NCKAP5: variants seen among roughly 807,000 people sequenced by gnomAD.
The protein encoded by NCKAP5 is NCK associated protein 5, also known as nck-associated protein 5.
Under a neutral mutation model 167.0 loss-of-function variants are expected in NCKAP5, and 92 were observed. That is an observed-to-expected ratio of 0.55 (90% confidence interval 0.47 to 0.66). The LOEUF (loss-of-function observed/expected upper bound fraction) is 0.66. NCKAP5 is among the 30% of genes least tolerant of loss of function. The probability of loss-of-function intolerance (pLI) is 0.00; values close to 1 mark genes in which losing one functional copy is unlikely to be tolerated. For missense variants in NCKAP5, 2,378 were observed against 2,315.0 expected, an observed-to-expected ratio of 1.03 and a Z score of -0.56; for synonymous variants, 891 against 877.4, an observed-to-expected ratio of 1.02 and a Z score of -0.27.
intron 19 of NCKAP5, among the ~76,000 whole-genome samples, chr2:132,715,268 C>A (rs1205372907): frequency 6.6e-6 from 1 of 152,168 alleles, no homozygotes; most frequent in Admixed American, 6.5e-5. Context: ...TCCCCACCTA[C>A]CCCACTTCTT....
chr2:133,459,773 G>A (rs1185953380), intron 3 of NCKAP5, among the ~76,000 whole-genome samples: 1 of 152,110 alleles, frequency 6.6e-6, no homozygotes, highest in African/African-American at 2.4e-5. Flanking sequence ...CACAATGCAT[G>A]GGTAATTACA....
At chr2:133,043,690 C>T (rs984163803) in intron 6 of NCKAP5, among the ~76,000 whole-genome samples, 1 of 152,092 alleles carries the variant, frequency 6.6e-6, no homozygotes, top group African/African-American at 2.4e-5. Context: ...AAGATTAACT[C>T]CTTTAAGCTT....
chr2:132,924,801 A>AT (rs201398492), intron 8 of NCKAP5, among the ~76,000 whole-genome samples: 2,160 of 152,318 alleles, frequency 0.014, 37 homozygotes, highest in African/African-American at 0.049. Flanking sequence ...ACATTCAATA[A>AT]CATGAGACCT....
the NCKAP5 span, among the ~76,000 whole-genome samples, chr2:133,606,646 C>T: frequency 6.6e-6 from 1 of 151,752 alleles, no homozygotes; most frequent in Non-Finnish European, 1.5e-5. Context: ...GGGCCTACAC[C>T]TCCAAAATTT....
At chr2:132,951,034 T>A (rs542732124) in intron 8 of NCKAP5, among the ~76,000 whole-genome samples, 1 of 152,338 alleles carries the variant, frequency 6.6e-6, no homozygotes, top group East Asian at 1.9e-4. Context: ...GGAAAAATGA[T>A]GCAAAATTTC....
At position 132,711,867 on chromosome 2, in the gene NCKAP5, G is replaced by A. The variant is rs188505424; in HGVS notation, c.5713+13760C>T. Among the ~76,000 whole-genome samples the A allele has an allele frequency of 1.9e-3, 290 of 152,256 alleles. 1 individual carries two copies. The highest frequency in any genetic ancestry group is 6.7e-3 in the African/African-American group (277 of 41,544). On this transcript the variant is annotated intron_variant, in intron 19 of 19. Coordinates refer to ENST00000409261, the MANE Select transcript of NCKAP5 (RefSeq NM_207363.3). ...GAGCTTACATTCCACTAGGGGGATGGTAGACAGGATAAATTCTAAGCTCTT... is the reference window on the plus strand; with the variant it reads ...GAGCTTACATTCCACTAGGGGGATGATAGACAGGATAAATTCTAAGCTCTT...
At chr2:133,549,752 G>C (rs1687107722) in intron 2 of NCKAP5, among the ~76,000 whole-genome samples, 1 of 148,506 alleles carries the variant, frequency 6.7e-6, no homozygotes, top group Non-Finnish European at 1.5e-5. Flanking sequence ...AATCAGAGCA[G>C]AACTGAAGGA....
chr2:133,593,433 C>T, the NCKAP5 span, among the ~76,000 whole-genome samples: 2 of 151,026 alleles, frequency 1.3e-5, no homozygotes, highest in Non-Finnish European at 2.9e-5. Flanking sequence ...CATTACTGCA[C>T]ACACACACAA....
chr2:132,704,745 T>C (rs565304782), intron 19 of NCKAP5, among the ~76,000 whole-genome samples: 1 of 152,148 alleles, frequency 6.6e-6, no homozygotes, highest in Non-Finnish European at 1.5e-5. Flanking sequence ...CACCCTTAAC[T>C]CCACTGCCCC....
chr2:132,690,430 T>G (rs533936495), intron 19 of NCKAP5, among the ~76,000 whole-genome samples: 101 of 152,230 alleles, frequency 6.6e-4, no homozygotes, highest in Non-Finnish European at 1.2e-3. Flanking sequence ...CTTAAGTACG[T>G]GTACAGTTCA....
chr2:132,995,744 G>A (rs748564060), intron 6 of NCKAP5, among the ~76,000 whole-genome samples: 2 of 152,066 alleles, frequency 1.3e-5, no homozygotes, highest in Non-Finnish European at 2.9e-5. Flanking sequence ...GGAGGCTGAC[G>A]TGAGTGGATC....
chr2:133,402,198 G>A (rs990642471), intron 3 of NCKAP5, among the ~76,000 whole-genome samples: 3 of 152,134 alleles, frequency 2.0e-5, no homozygotes, highest in Non-Finnish European at 2.9e-5. Flanking sequence ...AGGACTCGGT[G>A]TATAGTTTTA....
At chr2:133,606,851 G>C in the NCKAP5 span, among the ~76,000 whole-genome samples, 2 of 152,168 alleles carry the variant, frequency 1.3e-5, no homozygotes, top group East Asian at 3.9e-4. Context: ...TACCTTGGGA[G>C]CTATACTGTT....
chr2:133,578,100 T>C, the NCKAP5 span, among the ~76,000 whole-genome samples: 1 of 152,222 alleles, frequency 6.6e-6, no homozygotes, highest in Non-Finnish European at 1.5e-5. Flanking sequence ...AACAATGTGC[T>C]CCTATACTAG....
At chr2:133,205,362 G>A (rs1318022281) in intron 5 of NCKAP5, among the ~76,000 whole-genome samples, 3 of 151,532 alleles carry the variant, frequency 2.0e-5, no homozygotes, top group African/African-American at 4.8e-5. Context: ...GACAAAAATT[G>A]TCAGAGCAGC....
At chr2:133,431,687 G>A (rs985628247) in intron 3 of NCKAP5, 10 of 152,066 alleles carry the variant, frequency 6.6e-5, no homozygotes, top group African/African-American at 1.9e-4. Flanking sequence ...TTATTTGTAG[G>A]AGGCATATTT....
chr2:132,806,002 C>T (rs1685405203), intron 11 of NCKAP5, among the ~76,000 whole-genome samples: 1 of 152,138 alleles, frequency 6.6e-6, no homozygotes, highest in Non-Finnish European at 1.5e-5. Flanking sequence ...GCTTAGCTCT[C>T]ACATATCAGT....
the NCKAP5 span, among the ~76,000 whole-genome samples, chr2:133,615,570 G>C: frequency 6.6e-6 from 1 of 152,160 alleles, no homozygotes; most frequent in Non-Finnish European, 1.5e-5. Flanking sequence ...TTACATAATG[G>C]TAAACAGAGC....
intron 6 of NCKAP5, among the ~76,000 whole-genome samples, chr2:133,086,974 T>A (rs1447351650): frequency 2.0e-5 from 3 of 152,174 alleles, no homozygotes; most frequent in African/African-American, 7.2e-5. Flanking sequence ...TTTTTAAAAA[T>A]CTAGAAAAGT....
Sources: gnomAD v4.1 joint callset for allele counts (sites outside exome capture counted in the v4.1 genomes callset) on GRCh38, gnomAD v4.1.1 for gene constraint, MANE v1.5 for transcripts, NCBI Gene and HGNC (gene_info 2026-07-23, HGNC 2026-07-21) for gene names.